The following GPSM1 variants were observed in gnomAD, a reference collection of about 807,000 sequenced individuals.
GPSM1 encodes G protein-signaling modulator 1.
A neutral mutation model predicts 70.5 loss-of-function variants in GPSM1; 48 were observed. The ratio of observed to expected loss-of-function variants is 0.68; its 90% CI spans 0.54 to 0.87. The LOEUF is 0.87. Ranked by LOEUF, GPSM1 falls within the 40% of genes least tolerant of loss-of-function variation. The probability of loss-of-function intolerance (pLI) is 0.00; values close to 1 mark genes in which losing one functional copy is unlikely to be tolerated. For synonymous variants in GPSM1, 416 were observed against 430.1 expected, an observed-to-expected ratio of 0.97 and a Z score of 0.41; for missense variants, 981 against 972.6, an observed-to-expected ratio of 1.01 and a Z score of -0.11.
chr9:136,350,265 G>A (rs1186925809), intron 11 of GPSM1, among the ~76,000 whole-genome samples: 1 of 152,242 alleles, frequency 6.6e-6, no homozygotes, highest in African/African-American at 2.4e-5. Context: ...CCTTCCTGAG[G>A]TGGCTCTTGG....
At chr9:136,336,506 C>T (rs1443744373) in intron 3 of GPSM1, among the ~76,000 whole-genome samples, 7 of 152,174 alleles carry the variant, frequency 4.6e-5, no homozygotes, top group South Asian at 2.1e-4. Flanking sequence ...GTGCTGGACC[C>T]GAGACAGGCT....
rs144972841 is a variant in GPSM1 at position 136,356,403 on chromosome 9, C to T, written c.1674C>T (p.Ser558=). ...AATTCTTCGACCTCATCGCCAGCTC[C>T]CAGAGCCGCCGGCTGGACGACCAGC... ...TEEFFDLIAS[S]QSRRLDDQRA... Residue 558 remains serine (S), a synonymous_variant, in exon 13 of 14, where the codon TCC becomes TCT. Transcript: ENST00000440944. 1.6e-4 allele frequency: 262 copies of T among 1,609,956 alleles called. 1 individual carries two copies. Among genetic ancestry groups the T allele is most frequent in the African/African-American group, 1.1e-3 (82 of 74,924 alleles).
At chr9:136,350,047 T>C (rs1554771851) in intron 11 of GPSM1, among the ~76,000 whole-genome samples, 1 of 152,190 alleles carries the variant, frequency 6.6e-6, no homozygotes, top group African/African-American at 2.4e-5. Context: ...ACGCCCCGCC[T>C]CTCTTTGGGC....
At chr9:136,328,551 GTGA>G (rs782416249) in intron 1 of GPSM1, among the ~76,000 whole-genome samples, 1 of 152,208 alleles carries the variant, frequency 6.6e-6, no homozygotes, top group Non-Finnish European at 1.5e-5. Context: ...CTAAAACCTG[GTGA>G]CCTCCCTGAT....
rs1832424510 is a variant in GPSM1 at position 136,342,745 on chromosome 9, G to T, written c.1207+1752G>T. 6.6e-6 allele frequency among the ~76,000 whole-genome samples: 1 copy of T among 151,980 alleles called. No homozygotes were observed. ...TTCGGCAGGTGCGGAGGGCGGGGTGGATCTGCGAGCTGCGGGAGGGGAGGG... is the reference window on the plus strand; with the variant it reads ...TTCGGCAGGTGCGGAGGGCGGGGTGTATCTGCGAGCTGCGGGAGGGGAGGG... On this transcript the variant is annotated intron_variant, in intron 9 of 13. Coordinates refer to ENST00000440944, the MANE Select transcript of GPSM1 (RefSeq NM_001145638.3). The surrounding 1 kb of genome is among the most constrained non-coding windows in gnomAD (Gnocchi z 5.5).
chr9:136,332,466 C>G (rs1554768618), intron 1 of GPSM1, among the ~76,000 whole-genome samples: 1 of 152,230 alleles, frequency 6.6e-6, no homozygotes, highest in Non-Finnish European at 1.5e-5. Context: ...ATCTGCGGAG[C>G]AGCAGCGTCT....
rs1244767732 is a variant in GPSM1, at chr9:136,349,705, G to C, written c.1397G>C (p.Arg466Pro). The change falls in exon 11 of 14, where the codon CGG becomes CCG. Residue 466 changes from arginine to proline, a missense_variant. Arg to Pro is a moderately radical substitution (Grantham distance 103). Coordinates refer to ENST00000440944, the MANE Select transcript of GPSM1 (RefSeq NM_001145638.3). ...GGCCCGGACGCTGAGAGGAGGCCCC[G>C]GGAGGGCAGCCACTCCCCGCTGGAC... is the stretch of plus-strand genomic sequence containing the variant. ...QEGPDAERRP[R>P]EGSHSPLDSA... The C allele has an allele frequency of 6.4e-7, 1 of 1,569,932 alleles. No homozygotes were observed. Among genetic ancestry groups the C allele is most frequent in the Non-Finnish European group, 8.6e-7 (1 of 1,158,358 alleles).
rs1832894885 is a variant in GPSM1, at chr9:136,358,186, AGCCCCAGCAGCAGT to A, written c.1998_2011del (p.Gln667AlafsTer342). 1 of 1,564,994 alleles carries A rather than the reference AGCCCCAGCAGCAGT, an allele frequency of 6.4e-7. No homozygotes were observed. The highest frequency in any genetic ancestry group is 1.9e-5 in the Admixed American group (1 of 53,146). On this transcript the variant is annotated frameshift_variant, in exon 14 of 14. Coordinates refer to ENST00000440944, the MANE Select transcript of GPSM1 (RefSeq NM_001145638.3). LOFTEE classifies it high-confidence loss of function. ...GAGCAGGGGGCAGGCGGCCCGCCCG[AGCCCCAGCAGCAGT>A]GCCAGCCTGGTGCGAGCTAAGGCCC...
At chr9:136,347,866 G>A (rs1458151420) in intron 9 of GPSM1, among the ~76,000 whole-genome samples, 3 of 152,196 alleles carry the variant, frequency 2.0e-5, no homozygotes, top group Non-Finnish European at 2.9e-5. Flanking sequence ...TTCGGGCCCC[G>A]CAGGGCTGAG....
In GPSM1 at chr9:136,338,100, C is replaced by T. The variant is rs926498450; in HGVS notation, c.818+139C>T. On this transcript the variant is annotated intron_variant, in intron 6 of 13. Transcript: ENST00000440944. Reference sequence around the variant, plus strand: ...GAAGGCAAGGTGGGGTTCTAGGCTGCCCCGGGAAGGGCAGACGGACAAAGC... The same window carrying T: ...GAAGGCAAGGTGGGGTTCTAGGCTGTCCCGGGAAGGGCAGACGGACAAAGC... The T allele has an allele frequency of 8.1e-5, 51 of 632,092 alleles. No individual in the cohort carries two copies. In the Admixed American group the frequency reaches 1.4e-3, roughly 17 times the overall value. 39.2% of individuals were successfully genotyped at this position (632,092 alleles called of 1,614,324 possible). A position where few individuals can be genotyped will look rare whatever the true frequency, so the allele number is the denominator to read the frequency against.
At position 136,340,774 on chromosome 9, in the gene GPSM1, C is replaced by T; in HGVS notation, c.1084-96C>T. ...GACCAGTTCAGGTCACTCAGAAGGT[C>T]AGGGACGGGTGTACTGGGGGCCATT... On this transcript the variant is annotated intron_variant, in intron 8 of 13. Transcript: ENST00000440944. This position sits in a 1 kb window ranked among gnomAD's most constrained non-coding sequence, Gnocchi z 7.3. 1 of 1,457,426 alleles carries T rather than the reference C, an allele frequency of 6.9e-7. No individual in the cohort carries two copies. The highest frequency in any genetic ancestry group is 2.5e-5 in the East Asian group (1 of 40,220). The allele number at this position is 1,457,426 out of a possible 1,614,324, so 90.3% of individuals were successfully genotyped here.
intron 9 of GPSM1, among the ~76,000 whole-genome samples, chr9:136,344,453 G>A (rs1832473103): frequency 6.6e-6 from 1 of 152,226 alleles, no homozygotes; most frequent in African/African-American, 2.4e-5. Context: ...CCTCTTCCGG[G>A]CTGGCAGACG....
intron 11 of GPSM1, among the ~76,000 whole-genome samples, chr9:136,352,308 ACACCGATG>A (rs1564355481): frequency 2.0e-5 from 3 of 147,702 alleles, no homozygotes; most frequent in African/African-American, 5.0e-5. Context: ...GCTGTTGGTG[ACACCGATG>A]CTGCGCCGTT....
At position 136,356,503 on chromosome 9, in the gene GPSM1, C is replaced by T; in HGVS notation, c.1774C>T (p.Pro592Ser). 1 of 1,611,914 alleles carries T rather than the reference C, an allele frequency of 6.2e-7. No homozygotes were observed. The highest frequency in any genetic ancestry group is 8.5e-7 in the Non-Finnish European group (1 of 1,179,314). The change falls in exon 13 of 14, where the codon CCC (proline) becomes TCC (serine). Residue 592 changes from proline to serine, a missense_variant. Physicochemically the swap from Pro to Ser is moderately conservative, Grantham distance 74. Coordinates refer to ENST00000440944, the MANE Select transcript of GPSM1 (RefSeq NM_001145638.3). Reference sequence around the variant, plus strand: ...AGGGCACCTCCGAGGCCACGGCGAGCCCCAGGAGCCGGGGGACGACTTCTT... The same window carrying T: ...AGGGCACCTCCGAGGCCACGGCGAGTCCCAGGAGCCGGGGGACGACTTCTT... ...NAGHLRGHGE[P>S]QEPGDDFFNM...
chr9:136,353,433 G>A (rs1180425260), intron 11 of GPSM1, among the ~76,000 whole-genome samples: 4 of 152,078 alleles, frequency 2.6e-5, no homozygotes, highest in African/African-American at 9.7e-5. Context: ...ATAAATGCAG[G>A]GGAAGGTGGC....
At chr9:136,351,168 T>G (rs1163910826) in intron 11 of GPSM1, among the ~76,000 whole-genome samples, 2 of 152,156 alleles carry the variant, frequency 1.3e-5, no homozygotes, top group Admixed American at 6.5e-5. Context: ...CCCAAGCCCA[T>G]CCTTCCCACC....
chr9:136,354,251 G>C (rs1173180582), intron 11 of GPSM1, among the ~76,000 whole-genome samples: 1 of 152,198 alleles, frequency 6.6e-6, no homozygotes, highest in African/African-American at 2.4e-5. Context: ...GCATGACCTT[G>C]GGTAGGTCAC....
chr9:136,340,803 G>A lies in GPSM1; in HGVS notation c.1084-67G>A, dbSNP rs545316384. 6 of 1,496,468 alleles carry A rather than the reference G, an allele frequency of 4.0e-6. No individual in the cohort carries two copies. The highest frequency in any genetic ancestry group is 5.3e-6 in the Non-Finnish European group (6 of 1,127,384). 92.7% of individuals were successfully genotyped at this position (1,496,468 alleles called of 1,614,324 possible). On this transcript the variant is annotated intron_variant, in intron 8 of 13. Coordinates refer to ENST00000440944, the MANE Select transcript of GPSM1 (RefSeq NM_001145638.3). This position sits in a 1 kb window ranked among gnomAD's most constrained non-coding sequence, Gnocchi z 7.3. Reference sequence around the variant, plus strand: ...GACGGGTGTACTGGGGGCCATTAAGGTCCCCTTGGAGCCCACAGCAGGGCC... The same window carrying A: ...GACGGGTGTACTGGGGGCCATTAAGATCCCCTTGGAGCCCACAGCAGGGCC...
intron 1 of GPSM1, among the ~76,000 whole-genome samples, chr9:136,333,957 C>G (rs1299776986): frequency 3.9e-5 from 6 of 152,072 alleles, no homozygotes; most frequent in African/African-American, 7.2e-5. Context: ...CACCCGACCC[C>G]CATGTGGCCT....
Sources: allele counts gnomAD v4.1 joint callset (sites outside exome capture counted in the v4.1 genomes callset), GRCh38; gene constraint gnomAD v4.1.1; non-coding constraint Gnocchi (gnomAD v3.1); transcripts MANE v1.5; gene names NCBI Gene and HGNC (gene_info 2026-07-23, HGNC 2026-07-21).